The following FKBP9 variants were observed in gnomAD, a reference collection of about 807,000 sequenced individuals.
The protein encoded by FKBP9 is FKBP prolyl isomerase 9.
In FKBP9, 27 loss-of-function variants were observed where a neutral mutation model predicts 55.6. The observed-to-expected ratio is 0.49, with a 90% confidence interval of 0.36 to 0.67. FKBP9 has a LOEUF of 0.67. Among genes scored for constraint, FKBP9 ranks in the 30% least tolerant of loss-of-function variants. The pLI is 0.00. For missense variants in FKBP9, 539 were observed against 742.8 expected, an observed-to-expected ratio of 0.73 and a Z score of 3.19; for synonymous variants, 267 against 296.5, an observed-to-expected ratio of 0.90 and a Z score of 1.02.
At chr7:32,967,325 G>T (rs1165841909) in intron 1 of FKBP9, among the ~76,000 whole-genome samples, 1 of 152,172 alleles carries the variant, frequency 6.6e-6, no homozygotes, top group Non-Finnish European at 1.5e-5. Context: ...TATATCTCTA[G>T]AATTTTTCCA....
chr7:32,981,293 A>C (rs1285076987), intron 5 of FKBP9, among the ~76,000 whole-genome samples: 1 of 152,238 alleles, frequency 6.6e-6, no homozygotes, highest in Admixed American at 6.5e-5. Context: ...ACAGTGCTTT[A>C]CAAATTTCAG....
At chr7:32,973,097 G>C (rs1308088734) in intron 1 of FKBP9, among the ~76,000 whole-genome samples, 1 of 152,132 alleles carries the variant, frequency 6.6e-6, no homozygotes, top group African/African-American at 2.4e-5. Flanking sequence ...AAATGCCATA[G>C]AGCATTTTAT....
intron 6 of FKBP9, 84 bp from the exon 7 acceptor site, chr7:32,996,079 G>A: frequency 1.5e-6 from 2 of 1,298,288 alleles, no homozygotes; most frequent in South Asian, 2.6e-5. Flanking sequence ...GGAGGGCCTT[G>A]AGGACATACC....
chr7:32,967,426 T>A (rs28733761), intron 1 of FKBP9, among the ~76,000 whole-genome samples: 7,094 of 152,288 alleles, frequency 0.047, 395 homozygotes, highest in East Asian at 0.19. Flanking sequence ...CCACTTTCTG[T>A]TTCTATGAGT....
chr7:32,972,012 T>A (rs199853510), intron 1 of FKBP9, among the ~76,000 whole-genome samples: 1 of 152,022 alleles, frequency 6.6e-6, no homozygotes, highest in Non-Finnish European at 1.5e-5. Context: ...ATGAAAAAAA[T>A]ATTTTTAAAG....
intron 7 of FKBP9, among the ~76,000 whole-genome samples, chr7:32,998,857 AAG>A (rs1216408336): frequency 6.6e-6 from 1 of 152,184 alleles, no homozygotes; most frequent in Non-Finnish European, 1.5e-5. Flanking sequence ...GAGAGAAAGA[AAG>A]AAAATCACAG....
chr7:32,985,140 G>A (rs1484875323), intron 5 of FKBP9, among the ~76,000 whole-genome samples: 4 of 151,392 alleles, frequency 2.6e-5, no homozygotes, highest in Non-Finnish European at 4.4e-5. Flanking sequence ...CTCTTCATAG[G>A]GAACCAGTGT....
chr7:32,974,205 G>GGC (rs1784313290), intron 1 of FKBP9, among the ~76,000 whole-genome samples: 1 of 151,028 alleles, frequency 6.6e-6, no homozygotes, highest in Admixed American at 6.6e-5. Context: ...GAGGCGGGGG[G>GGC]GCCTCACTTT....
rs773841310 is a variant in FKBP9, at chr7:33,002,657, G to C, written c.1373-19G>C. The C allele has an allele frequency of 1.2e-6, 2 of 1,610,912 alleles. No individual in the cohort carries two copies. The highest frequency in any genetic ancestry group is 1.7e-6 in the Non-Finnish European group (2 of 1,178,222). On this transcript the variant is annotated intron_variant, in intron 8 of 9. Transcript: ENST00000242209. ...TGCCTGCCGGCTGACACCGCCTCCC[G>C]CTCCTGTCACCTGGACAGATGGAGA...
chr7:32,983,995 A>G (rs1170806473), intron 5 of FKBP9, among the ~76,000 whole-genome samples: 1 of 152,044 alleles, frequency 6.6e-6, no homozygotes, highest in Non-Finnish European at 1.5e-5. Context: ...CATTTTCCTC[A>G]ATTTATTTGT....
intron 6 of FKBP9, among the ~76,000 whole-genome samples, chr7:32,993,774 A>G (rs1784731069): frequency 2.0e-5 from 3 of 151,804 alleles, no homozygotes; most frequent in Admixed American, 6.6e-5. Flanking sequence ...GAACATGCCA[A>G]TGCACTCCAG....
At position 32,976,424 on chromosome 7, in the gene FKBP9, C is replaced by T; in HGVS notation, c.628C>T (p.Leu210=). The T allele has an allele frequency of 6.2e-7, 1 of 1,613,842 alleles. No individual in the cohort carries two copies. The highest frequency in any genetic ancestry group is 8.5e-7 in the Non-Finnish European group (1 of 1,179,846). ...GWLIPGMDKG[L]LGMCVGEKRI... ...GCTGATTCCTGGAATGGATAAAGGGCTGCTGGGGATGTGTGTGGGTGAGAA... is the reference window on the plus strand; with the variant it reads ...GCTGATTCCTGGAATGGATAAAGGGTTGCTGGGGATGTGTGTGGGTGAGAA... Residue 210 remains leucine, a synonymous_variant, in exon 4 of 10, where the codon CTG becomes TTG. Coordinates refer to ENST00000242209, the MANE Select transcript of FKBP9 (RefSeq NM_007270.5).
chr7:32,979,536 G>A (rs1009656506), intron 4 of FKBP9: 3 of 1,550,576 alleles, frequency 1.9e-6, no homozygotes, highest in Non-Finnish European at 2.6e-6. Flanking sequence ...GGCGGCATCT[G>A]GTTTGCTTGT....
intron 1 of FKBP9, among the ~76,000 whole-genome samples, chr7:32,966,158 A>T (rs1177631401): frequency 1.6e-5 from 2 of 126,362 alleles, no homozygotes; most frequent in Non-Finnish European, 3.3e-5. Context: ...GTGCCACTGC[A>T]CTCCAGCCTT....
chr7:32,993,420 T>C (rs1054518118), intron 6 of FKBP9, among the ~76,000 whole-genome samples: 4 of 152,246 alleles, frequency 2.6e-5, no homozygotes, highest in African/African-American at 9.6e-5. Flanking sequence ...TCTACCAATT[T>C]GCCTATTCTA....
chr7:32,976,507 C>T lies in FKBP9; in HGVS notation c.703+8C>T. The T allele has an allele frequency of 6.3e-7, 1 of 1,580,586 alleles. No homozygotes were observed. The highest frequency in any genetic ancestry group is 2.3e-5 in the East Asian group (1 of 44,404). On this transcript the variant is annotated splice_region_variant and intron_variant, in intron 4 of 9. Transcript: ENST00000242209. ...ATGGAGAGGATGGAGATGGTAAGTC[C>T]GTCTCCTTCTTGGAGCCACTCTTTC...
Position 33,006,663 on chromosome 7 carries a change from G to C in FKBP9, c.*1312G>C, listed in dbSNP as rs1037951051. Reference sequence around the variant, plus strand: ...ACCCTGAAGGCAGAGGCCAGCTGCCGCAAGACAGCAATGACAGTCCACCTG... The same window carrying C: ...ACCCTGAAGGCAGAGGCCAGCTGCCCCAAGACAGCAATGACAGTCCACCTG... On this transcript the variant is annotated 3_prime_UTR_variant, in exon 10 of 10. Coordinates refer to ENST00000242209, the MANE Select transcript of FKBP9 (RefSeq NM_007270.5). 4.6e-6 allele frequency: 1 copy of C among 216,262 alleles called. No individual in the cohort carries two copies. The highest frequency in any genetic ancestry group is 9.3e-6 in the Non-Finnish European group (1 of 107,194). The allele number at this position is 216,262 out of a possible 1,614,324, so 13.4% of individuals were successfully genotyped here. A position where few individuals can be genotyped will look rare whatever the true frequency, so the allele number is the denominator to read the frequency against.
intron 1 of FKBP9, among the ~76,000 whole-genome samples, chr7:32,959,556 A>G (rs1783977915): frequency 6.6e-6 from 1 of 152,166 alleles, no homozygotes; most frequent in Non-Finnish European, 1.5e-5. Context: ...CTATTTCCAG[A>G]ACATTTTCAT....
At position 32,957,547 on chromosome 7, in the gene FKBP9, G is replaced by A. The variant is rs1001350686; in HGVS notation, c.-27G>A. On this transcript the variant is annotated 5_prime_UTR_variant, in exon 1 of 10. Transcript: ENST00000242209. Reference sequence around the variant, plus strand: ...CCGTGCCGCCCGAGCGCCGCGCTGCGTCCGCGCCACTCTTCTCGCCGCCCC... The same window carrying A: ...CCGTGCCGCCCGAGCGCCGCGCTGCATCCGCGCCACTCTTCTCGCCGCCCC... The A allele has an allele frequency of 7.1e-6, 10 of 1,399,542 alleles. No individual in the cohort carries two copies. Among genetic ancestry groups the A allele is most frequent in the Middle Eastern group, 2.6e-4 (1 of 3,916 alleles). 86.7% of individuals were successfully genotyped at this position (1,399,542 alleles called of 1,614,324 possible). A position where few individuals can be genotyped will look rare whatever the true frequency, so the allele number is the denominator to read the frequency against.
Sources: allele counts gnomAD v4.1 joint callset (sites outside exome capture counted in the v4.1 genomes callset), GRCh38; gene constraint gnomAD v4.1.1; transcripts MANE v1.5; gene names NCBI Gene and HGNC (gene_info 2026-07-23, HGNC 2026-07-21).